Variants in CHSY1 observed in about 807,000 individuals in gnomAD.
CHSY1 encodes the protein N-acetylgalactosaminyl-proteoglycan 3-beta-glucuronosyltransferase 1.
CHSY1 carries 13 observed loss-of-function variants against 59.8 expected under a neutral mutation model. That is an observed-to-expected ratio of 0.22 (90% CI 0.14 to 0.35). CHSY1 has a LOEUF of 0.35. Among genes scored for constraint, CHSY1 ranks in the 10% least tolerant of loss-of-function variants. The probability of loss-of-function intolerance (pLI) is 1.00; values close to 1 mark genes in which losing one functional copy is unlikely to be tolerated. For missense variants in CHSY1, 947 were observed against 1,030.6 expected (o/e 0.92, Z 1.11); for synonymous variants, 459 against 401.2 (o/e 1.14, Z -1.72).
intron 1 of CHSY1, among the ~76,000 whole-genome samples, chr15:101,237,262 G>C (rs1483686481): frequency 1.3e-5 from 2 of 148,866 alleles, no homozygotes; most frequent in African/African-American, 2.5e-5. Flanking sequence ...AGGCAAATGT[G>C]CAAGGCCTGG....
rs1386445281 is a variant in CHSY1, at chr15:101,252,015, C to T, written c.-559G>A. ...GGCGAGCCGTGGCCCCTCTCGGGATCCGTCCGCGCCGCGCGATTGGCGCAA... is the reference window on the plus strand; with the variant it reads ...GGCGAGCCGTGGCCCCTCTCGGGATTCGTCCGCGCCGCGCGATTGGCGCAA... On this transcript the variant is annotated 5_prime_UTR_variant, in exon 1 of 3. Coordinates refer to ENST00000254190, the MANE Select transcript of CHSY1 (RefSeq NM_014918.5). 6.6e-6 allele frequency: 1 copy of T among 150,880 alleles called. No individual in the cohort carries two copies. The highest frequency in any genetic ancestry group is 1.5e-5 in the Non-Finnish European group (1 of 67,684). The allele number at this position is 150,880 out of a possible 1,614,324, so 9.3% of individuals were successfully genotyped here.
intron 2 of CHSY1, among the ~76,000 whole-genome samples, chr15:101,217,675 T>C (rs2038748340): frequency 6.6e-6 from 1 of 152,132 alleles, no homozygotes; most frequent in Non-Finnish European, 1.5e-5. Context: ...GGAACAAGTT[T>C]AGCAACAAAA....
intron 2 of CHSY1, among the ~76,000 whole-genome samples, chr15:101,198,062 C>G (rs938978495): frequency 6.6e-6 from 1 of 152,078 alleles, no homozygotes; most frequent in East Asian, 1.9e-4. Flanking sequence ...AGACTGTGGT[C>G]TGACTCCGGC....
chr15:101,239,970 A>C (rs2038986569), intron 1 of CHSY1, among the ~76,000 whole-genome samples: 1 of 152,196 alleles, frequency 6.6e-6, no homozygotes, highest in South Asian at 2.1e-4. Context: ...CTATGACTGA[A>C]ATGGTGTAAT....
chr15:101,178,708 C>G lies in CHSY1; in HGVS notation c.1089G>C (p.Met363Ile). 1 of 1,614,258 alleles carries G rather than the reference C, an allele frequency of 6.2e-7. No homozygotes were observed. Residue 363 changes from methionine (M) to isoleucine (I), a missense_variant, in exon 3 of 3, where the codon ATG (methionine) becomes ATC (isoleucine). Around this residue, in one of 4 missense-constraint regions of CHSY1, gnomAD observed 602 missense variants for 676.9 expected, o/e 0.89. Transcript: ENST00000254190. ...CCTCTCGCTGGCGGGGCTGAAACCT[C>G]ATGAAGGAGGGAGGGATTCCCAGCT... ...DLQLGIPPSF[M>I]RFQPRQREEI...
chr15:101,244,939 A>C (rs1175395285), intron 1 of CHSY1, among the ~76,000 whole-genome samples: 2 of 152,212 alleles, frequency 1.3e-5, no homozygotes, highest in Non-Finnish European at 2.9e-5. Context: ...CTTTGGAAAA[A>C]ATTCTAGAGC....
rs2038201857 is a variant in CHSY1, at chr15:101,177,182, G to C, written c.*206C>G. On this transcript the variant is annotated 3_prime_UTR_variant, in exon 3 of 3. Coordinates refer to ENST00000254190, the MANE Select transcript of CHSY1 (RefSeq NM_014918.5). ...TTTCAAGTCAAAGTTAAGCAGGTCT[G>C]CTACATAATGTTCAGCAAGAAGATG... 1.5e-5 allele frequency: 8 copies of C among 519,750 alleles called. No homozygotes were observed. The South Asian group carries it at 2.4e-4, about 16-fold the overall frequency. The allele number at this position is 519,750 out of a possible 1,614,324, so 32.2% of individuals were successfully genotyped here.
intron 2 of CHSY1, among the ~76,000 whole-genome samples, chr15:101,224,649 G>T (rs1216947862): frequency 6.6e-6 from 1 of 152,124 alleles, no homozygotes; most frequent in African/African-American, 2.4e-5. Context: ...TCTTGCAGAC[G>T]GTCTGCCTCT....
In CHSY1 at chr15:101,208,822, C is replaced by A. The variant is rs1056351190; in HGVS notation, c.816+26260G>T. Among the ~76,000 whole-genome samples, 8 of 152,024 alleles carry A rather than the reference C, an allele frequency of 5.3e-5. No homozygotes were observed. The East Asian group carries it at 1.2e-3, about 22-fold the overall frequency. On this transcript the variant is annotated intron_variant, in intron 2 of 2. Transcript: ENST00000254190. ...ATAATAATGGTAAGAGATTATAACT[C>A]ATTAAATAAAATAGGAATACAAGAG... is the stretch of plus-strand genomic sequence containing the variant.
At position 101,186,990 on chromosome 15, in the gene CHSY1, T is replaced by C. The variant is rs190549171; in HGVS notation, c.817-8010A>G. ...TTCTTCTGCCCACCTACTCCTGCTA[T>C]GGCTGAAGCTGCAGCAATATCTTCA... On this transcript the variant is annotated intron_variant, in intron 2 of 2. Coordinates refer to ENST00000254190, the MANE Select transcript of CHSY1 (RefSeq NM_014918.5). Among the ~76,000 whole-genome samples the C allele has an allele frequency of 8.5e-5, 13 of 152,332 alleles. No individual in the cohort carries two copies. The East Asian group carries it at 2.3e-3, about 27-fold the overall frequency.
Position 101,235,515 on chromosome 15 carries a change from G to C in CHSY1, c.383C>G (p.Ser128Cys). Residue 128 changes from serine to cysteine, a missense_variant, in exon 2 of 3, where the codon TCT becomes TGT. Ser to Cys is a moderately radical substitution (Grantham distance 112, BLOSUM62 -1). Around this residue, in one of 4 missense-constraint regions of CHSY1, gnomAD observed 232 missense variants for 188.5 expected, o/e 1.23. Transcript: ENST00000254190. ...TAGTGGCACTACTGGAATTGGTACAGATGTGTCAGAACCCTCACTTGAGAA... is the reference window on the plus strand; with the variant it reads ...TAGTGGCACTACTGGAATTGGTACACATGTGTCAGAACCCTCACTTGAGAA... ...QFFSSEGSDT[S>C]VPIPVVPLRG... 1.9e-6 allele frequency: 3 copies of C among 1,613,908 alleles called. No individual in the cohort carries two copies. The highest frequency in any genetic ancestry group is 1.7e-6 in the Non-Finnish European group (2 of 1,179,982).
intron 2 of CHSY1, among the ~76,000 whole-genome samples, chr15:101,222,177 G>A (rs1009159232): frequency 1.3e-5 from 2 of 152,138 alleles, no homozygotes; most frequent in African/African-American, 4.8e-5. Flanking sequence ...AAGTCAATAA[G>A]CTAAAAATCA....
chr15:101,183,930 C>T (rs1011125303), intron 2 of CHSY1, among the ~76,000 whole-genome samples: 8 of 152,198 alleles, frequency 5.3e-5, no homozygotes, highest in Admixed American at 5.2e-4. Flanking sequence ...GCTCCTCTGG[C>T]CAGGATGTGT....
intron 2 of CHSY1, among the ~76,000 whole-genome samples, chr15:101,231,404 G>C (rs546972934): frequency 6.6e-6 from 1 of 152,250 alleles, no homozygotes; most frequent in South Asian, 2.1e-4. Context: ...GAGGCACCAT[G>C]ATGGCTAATT....
chr15:101,179,081 C>A, intron 2 of CHSY1, 101 bp from the exon 3 acceptor site: 2 of 1,168,484 alleles, frequency 1.7e-6, no homozygotes, highest in Non-Finnish European at 2.5e-6. Flanking sequence ...TCTGAATGGA[C>A]CACAGCACAC....
chr15:101,195,840 A>AC (rs11396461), intron 2 of CHSY1, among the ~76,000 whole-genome samples: 5 of 151,256 alleles, frequency 3.3e-5, no homozygotes, highest in Admixed American at 2.0e-4. Flanking sequence ...AAAAAAAAAA[A>AC]CCCTGTCTCC....
At chr15:101,200,719 G>A (rs1398052536) in intron 2 of CHSY1, among the ~76,000 whole-genome samples, 1 of 152,180 alleles carries the variant, frequency 6.6e-6, no homozygotes, top group Non-Finnish European at 1.5e-5. Flanking sequence ...TTACCTGGCT[G>A]TTGCAGAAAT....
In CHSY1 at chr15:101,178,032, C is replaced by G. The variant is rs2038217089; in HGVS notation, c.1765G>C (p.Asp589His). The change falls in exon 3 of 3, where the codon GAT (aspartate) becomes CAT (histidine). Residue 589 changes from aspartate (D) to histidine (H), a missense_variant. Transcript: ENST00000254190. ...DKAKQVELMR[D>H]YRIKYPKADM... The stretch of plus-strand genomic sequence containing the variant: ...GCTTTAGGGTACTTAATGCGGTAAT[C>G]TCTCATCAGTTCAACTTGTTTGGCC... The G allele has an allele frequency of 6.2e-7, 1 of 1,614,074 alleles. No individual in the cohort carries two copies. Among genetic ancestry groups the G allele is most frequent in the South Asian group, 1.1e-5 (1 of 91,090 alleles).
rs188537255 is a variant in CHSY1 at position 101,242,863 on chromosome 15, A to C, written c.321-7286T>G. On this transcript the variant is annotated intron_variant, in intron 1 of 2. Coordinates refer to ENST00000254190, the MANE Select transcript of CHSY1 (RefSeq NM_014918.5). ...TGTGGTTTCCTCTTTCAAAACCTTT[A>C]ACTGTCTCATCGTGCACGTCCTTAT... Among the ~76,000 whole-genome samples the C allele has an allele frequency of 1.6e-4, 24 of 152,320 alleles. 1 individual carries two copies. The East Asian group carries it at 4.4e-3, about 28-fold the overall frequency.
Sources: gnomAD v4.1 joint callset for allele counts (sites outside exome capture counted in the v4.1 genomes callset) on GRCh38, gnomAD v4.1.1 for gene constraint, gnomAD v4.1.1 regional missense constraint, MANE v1.5 for transcripts, NCBI Gene and HGNC (gene_info 2026-07-23, HGNC 2026-07-21) for gene names.